UNC5B: variants seen among roughly 807,000 people sequenced by gnomAD.
UNC5B encodes netrin receptor UNC5B.
Under a neutral mutation model 103.7 loss-of-function variants are expected in UNC5B, and 56 were observed. That is an observed-to-expected ratio of 0.54 (90% CI 0.44 to 0.67). UNC5B has a LOEUF of 0.67. UNC5B is among the 30% of genes least tolerant of loss of function. UNC5B has a pLI of 0.00. For missense variants in UNC5B, 1,194 were observed against 1,284.5 expected, an observed-to-expected ratio of 0.93 and a Z score of 1.08; for synonymous variants, 577 against 542.0, an observed-to-expected ratio of 1.06 and a Z score of -0.90.
At chr10:71,283,147 G>C (rs1844974835) in intron 2 of UNC5B, among the ~76,000 whole-genome samples, 1 of 152,096 alleles carries the variant, frequency 6.6e-6, no homozygotes, top group African/African-American at 2.4e-5. Context: ...AGTTGTGGGT[G>C]AGGGGACCAA....
chr10:71,237,628 G>A (rs1489421854), intron 1 of UNC5B, among the ~76,000 whole-genome samples: 3 of 152,202 alleles, frequency 2.0e-5, no homozygotes, highest in African/African-American at 7.2e-5. Flanking sequence ...TATTATGCAA[G>A]GTGTTCCTGC....
chr10:71,279,918 T>C lies in UNC5B; in HGVS notation c.177T>C (p.Ile59=), dbSNP rs1284906196. 1 of 1,613,820 alleles carries C rather than the reference T, an allele frequency of 6.2e-7. No homozygotes were observed. The highest frequency in any genetic ancestry group is 1.3e-5 in the African/African-American group (1 of 74,928). Reference sequence around the variant, plus strand: ...TGCAGGAGCCACAGGACGCCTACATTGTGAAGAACAAGCCTGTGGAGCTCC... The same window carrying C: ...TGCAGGAGCCACAGGACGCCTACATCGTGAAGAACAAGCCTGTGGAGCTCC... ...YFLQEPQDAY[I]VKNKPVELRC... The change falls in exon 2 of 17, where the codon ATT becomes ATC. Residue 59 remains isoleucine, a synonymous_variant. Transcript: ENST00000335350.
chr10:71,289,122 C>T (rs1317461613), intron 8 of UNC5B, 132 bp downstream of exon 8: 7 of 1,180,672 alleles, frequency 5.9e-6, no homozygotes, highest in South Asian at 1.4e-5. Context: ...GGATCATCTA[C>T]ACCTGACACT....
At chr10:71,262,919 A>G (rs1159167696) in intron 1 of UNC5B, among the ~76,000 whole-genome samples, 7 of 152,250 alleles carry the variant, frequency 4.6e-5, no homozygotes, top group African/African-American at 1.7e-4. Context: ...AAATACACAA[A>G]TAAGTATATA....
In UNC5B at chr10:71,232,327, G is replaced by C. The variant is rs533660248; in HGVS notation, c.79+19263G>C. On this transcript the variant is annotated intron_variant, in intron 1 of 16. Coordinates refer to ENST00000335350, the MANE Select transcript of UNC5B (RefSeq NM_170744.5). ...ATTTACCAGAAGTTCACACCACCGCGTATGTGTTATATGAGAAGTAGCAAT... is the reference window on the plus strand; with the variant it reads ...ATTTACCAGAAGTTCACACCACCGCCTATGTGTTATATGAGAAGTAGCAAT... Among the ~76,000 whole-genome samples, 120 of 152,358 alleles carry C rather than the reference G, an allele frequency of 7.9e-4. No homozygotes were observed. In the South Asian group the frequency reaches 0.023, roughly 29 times the overall value.
chr10:71,284,170 G>A (rs1175390039), intron 2 of UNC5B, among the ~76,000 whole-genome samples: 1 of 152,204 alleles, frequency 6.6e-6, no homozygotes, highest in African/African-American at 2.4e-5. Flanking sequence ...GAGGCGCAGG[G>A]TGGAGGGGGC....
intron 1 of UNC5B, among the ~76,000 whole-genome samples, chr10:71,248,786 G>A (rs983609337): frequency 6.6e-6 from 1 of 151,818 alleles, no homozygotes; most frequent in Non-Finnish European, 1.5e-5. Flanking sequence ...AGAGAACATT[G>A]ACATGCACCC....
chr10:71,246,992 C>G lies in UNC5B; in HGVS notation c.80-32829C>G, dbSNP rs555585337. Among the ~76,000 whole-genome samples, 14 of 152,320 alleles carry G rather than the reference C, an allele frequency of 9.2e-5. No individual in the cohort carries two copies. In the South Asian group the frequency reaches 2.7e-3, roughly 29 times the overall value. On this transcript the variant is annotated intron_variant, in intron 1 of 16. Coordinates refer to ENST00000335350, the MANE Select transcript of UNC5B (RefSeq NM_170744.5). Reference sequence around the variant, plus strand: ...CACCCTGAAGCCGTCCAGGACCTGTCTGATCACGCCCCTGCTACCTGGAGA... The same window carrying G: ...CACCCTGAAGCCGTCCAGGACCTGTGTGATCACGCCCCTGCTACCTGGAGA...
intron 1 of UNC5B, among the ~76,000 whole-genome samples, chr10:71,242,433 A>G (rs2132260458): frequency 6.6e-6 from 1 of 152,304 alleles, no homozygotes; most frequent in East Asian, 1.9e-4. Context: ...GCTTCTTTCC[A>G]GCAGCTGAGT....
At chr10:71,259,773 C>T (rs561158834) in intron 1 of UNC5B, among the ~76,000 whole-genome samples, 5 of 152,288 alleles carry the variant, frequency 3.3e-5, no homozygotes, top group Admixed American at 6.5e-5. Flanking sequence ...GTGTGGAGTT[C>T]GGTAGCTCAG....
intron 1 of UNC5B, among the ~76,000 whole-genome samples, chr10:71,226,904 C>T (rs1233832174): frequency 6.6e-6 from 1 of 151,662 alleles, no homozygotes; most frequent in Non-Finnish European, 1.5e-5. Flanking sequence ...ATATATATAC[C>T]ATGGAATACT....
intron 2 of UNC5B, among the ~76,000 whole-genome samples, chr10:71,281,975 A>G (rs1422071148): frequency 6.6e-6 from 1 of 152,222 alleles, no homozygotes; most frequent in Admixed American, 6.5e-5. Context: ...ATCGGGGTCC[A>G]GGCAAGGCGA....
rs1229247519 is a variant in UNC5B at position 71,213,679 on chromosome 10, A to AT, written c.79+617dup. ...CTGGGCCCGCAGGTCTGGAAGAATT[A>AT]TTATTATTATTATTATTATTATTAT... On this transcript the variant is annotated intron_variant, in intron 1 of 16. Transcript: ENST00000335350. The surrounding 1 kb of genome is among the most constrained non-coding windows in gnomAD (Gnocchi z 4.1). Among the ~76,000 whole-genome samples, 8 of 107,148 alleles carry AT rather than the reference A, an allele frequency of 7.5e-5. No individual in the cohort carries two copies. Among genetic ancestry groups the AT allele is most frequent in the African/African-American group, 2.8e-4 (8 of 28,580 alleles). 70.3% of individuals were successfully genotyped at this position (107,148 alleles called of 152,430 possible).
chr10:71,291,899 A>C (rs1416204790), intron 10 of UNC5B, 78 bp downstream of exon 10: 7 of 1,491,972 alleles, frequency 4.7e-6, no homozygotes, highest in Non-Finnish European at 6.2e-6. Flanking sequence ...CATCCAGCAG[A>C]AGATAGGGCT....
At chr10:71,246,786 T>C (rs10999745) in intron 1 of UNC5B, among the ~76,000 whole-genome samples, 4,463 of 152,332 alleles carry the variant, frequency 0.029, 92 homozygotes, top group Non-Finnish European at 0.044. Flanking sequence ...ATATTCGTAG[T>C]GTCAATAAGA....
chr10:71,255,549 C>T (rs989501523), intron 1 of UNC5B, among the ~76,000 whole-genome samples: 3 of 152,190 alleles, frequency 2.0e-5, no homozygotes, highest in South Asian at 2.1e-4. Context: ...GAAACACCCC[C>T]GGGCTTTAGG....
At chr10:71,269,052 G>A (rs1292797566) in intron 1 of UNC5B, among the ~76,000 whole-genome samples, 1 of 152,178 alleles carries the variant, frequency 6.6e-6, no homozygotes, top group African/African-American at 2.4e-5. Context: ...AGAGAGAGAT[G>A]CCCAGCGTGT....
intron 5 of UNC5B, 128 bp downstream of exon 5, chr10:71,286,997 T>A: frequency 7.7e-7 from 1 of 1,306,994 alleles, no homozygotes; most frequent in Non-Finnish European, 1.0e-6. Flanking sequence ...TTGACCAAGA[T>A]CACAACACAG....
Position 71,213,712 on chromosome 10 carries a change from T to A in UNC5B, c.79+648T>A, listed in dbSNP as rs1398529487. Among the ~76,000 whole-genome samples the A allele has an allele frequency of 5.5e-5, 5 of 90,446 alleles. No individual in the cohort carries two copies. The highest frequency in any genetic ancestry group is 4.8e-4 in the East Asian group (1 of 2,066). The allele number at this position is 90,446 out of a possible 152,430, so 59.3% of individuals were successfully genotyped here. ...TATTATTATTATTATTATTATTAAT[T>A]TTCTGAGTGTTGGAGAGTGTGTGTG... On this transcript the variant is annotated intron_variant, in intron 1 of 16. Transcript: ENST00000335350. This position sits in a 1 kb window ranked among gnomAD's most constrained non-coding sequence, Gnocchi z 4.1.
Sources: gnomAD v4.1 joint callset for allele counts (sites outside exome capture counted in the v4.1 genomes callset) on GRCh38, gnomAD v4.1.1 for gene constraint, Gnocchi (gnomAD v3.1) non-coding constraint, MANE v1.5 for transcripts, NCBI Gene and HGNC (gene_info 2026-07-23, HGNC 2026-07-21) for gene names.